LMAN2L: variants seen among roughly 807,000 people sequenced by gnomAD.
The protein encoded by LMAN2L is VIP36-like protein.
In LMAN2L, 30 loss-of-function variants were observed where a neutral mutation model predicts 44.3. The observed-to-expected ratio is 0.68, with a 90% CI of 0.51 to 0.92. The LOEUF (loss-of-function observed/expected upper bound fraction) is 0.92. Ranked by LOEUF, LMAN2L falls within the 40% of genes least tolerant of loss-of-function variation. LMAN2L has a pLI of 0.00. For missense variants in LMAN2L, 429 were observed against 446.1 expected (o/e 0.96, Z 0.35); for synonymous variants, 183 against 171.1 (o/e 1.07, Z -0.54).
intron 4 of LMAN2L, among the ~76,000 whole-genome samples, chr2:96,728,416 G>A (rs1375326432): frequency 6.7e-6 from 1 of 150,214 alleles, no homozygotes; most frequent in Non-Finnish European, 1.5e-5. Context: ...TGAGGCAGGA[G>A]AATGGCCTGA....
At chr2:96,728,804 G>A (rs567612472) in intron 4 of LMAN2L, among the ~76,000 whole-genome samples, 3 of 151,862 alleles carry the variant, frequency 2.0e-5, no homozygotes, top group East Asian at 1.9e-4. Flanking sequence ...CCCAGGAGGC[G>A]GAGGTTGCAG....
chr2:96,727,691 A>C (rs1473066290), intron 4 of LMAN2L, among the ~76,000 whole-genome samples: 1 of 152,196 alleles, frequency 6.6e-6, no homozygotes, highest in Non-Finnish European at 1.5e-5. Context: ...GAAACAAGAA[A>C]CCAGAAAAAT....
chr2:96,725,831 A>G (rs780422388), intron 4 of LMAN2L, among the ~76,000 whole-genome samples: 2 of 152,038 alleles, frequency 1.3e-5, no homozygotes, highest in Non-Finnish European at 2.9e-5. Flanking sequence ...TTCACTGAAA[A>G]TATATAGAAA....
chr2:96,738,064 A>C lies in LMAN2L; in HGVS notation c.191T>G (p.Val64Gly). The C allele has an allele frequency of 1.2e-6, 2 of 1,608,722 alleles. No homozygotes were observed. The highest frequency in any genetic ancestry group is 2.2e-5 in the East Asian group (1 of 44,838). ...EHSLSKPYQG[V>G]GTGSSSLWNL... ...CCACAGTGAGGAACTGCCTGTGCCC[A>C]CACCTACAGGAAGGAAGTAGATCAG... Residue 64 changes from valine (V) to glycine (G), a missense_variant, in exon 2 of 8, where the codon GTG becomes GGG. By Grantham distance (109) the Val-to-Gly change is moderately radical (BLOSUM62 -3). Transcript: ENST00000264963.
intron 4 of LMAN2L, among the ~76,000 whole-genome samples, chr2:96,730,358 G>T (rs918548402): frequency 9.2e-5 from 14 of 152,072 alleles, no homozygotes; most frequent in African/African-American, 3.4e-4. Flanking sequence ...TACCCCTTCA[G>T]AATCAAGTCC....
At chr2:96,707,945 G>GA (rs2077821980) in intron 6 of LMAN2L, 112 bp from the exon 7 acceptor site, 2 of 1,092,144 alleles carry the variant, frequency 1.8e-6, no homozygotes, top group South Asian at 1.5e-5. Context: ...CAGTGACCTT[G>GA]AAAAAATAAT....
chr2:96,707,392 G>GCTGT lies in LMAN2L; in HGVS notation c.907_910dup (p.Ala304AspfsTer70). 6.2e-7 allele frequency: 1 copy of GCTGT among 1,611,108 alleles called. No individual in the cohort carries two copies. ...CAGGCCACTCAGGGGCGGCAGTGGA[G>GCTGT]CTGTCACTGAGGAAGCAAGAGAGAA... On this transcript the variant is annotated frameshift_variant, in exon 8 of 8. Transcript: ENST00000264963. LOFTEE classifies it high-confidence loss of function.
At chr2:96,721,211 T>C (rs1414921102) in intron 4 of LMAN2L, among the ~76,000 whole-genome samples, 5 of 152,102 alleles carry the variant, frequency 3.3e-5, no homozygotes, top group Non-Finnish European at 7.4e-5. Context: ...GGACATTTCA[T>C]ATGCATGGGA....
chr2:96,720,331 TG>T (rs2078124422), intron 4 of LMAN2L, among the ~76,000 whole-genome samples: 1 of 152,240 alleles, frequency 6.6e-6, no homozygotes, highest in Non-Finnish European at 1.5e-5. Flanking sequence ...CATTACGCTC[TG>T]ATTTCAACGG....
In LMAN2L at chr2:96,711,687, G is replaced by A. The variant is rs1397165453; in HGVS notation, c.753C>T (p.Phe251=). ...PGVRLPRGYY[F]GTSSITGDLS... is the part of the protein sequence containing the mutation. Reference sequence around the variant, plus strand: ...GATCCCCAGTGATGGAGGAGGTGCCGAAGTAGTAGCCGCGGGGCAGGCGGA... The same window carrying A: ...GATCCCCAGTGATGGAGGAGGTGCCAAAGTAGTAGCCGCGGGGCAGGCGGA... Residue 251 remains phenylalanine (F), a synonymous_variant, in exon 6 of 8, where the codon TTC becomes TTT. Coordinates refer to ENST00000264963, the MANE Select transcript of LMAN2L (RefSeq NM_030805.4). 7 of 1,613,926 alleles carry A rather than the reference G, an allele frequency of 4.3e-6. No homozygotes were observed. In the South Asian group the frequency reaches 5.5e-5, roughly 13 times the overall value.
At chr2:96,709,966 C>T (rs761424286) in intron 6 of LMAN2L, among the ~76,000 whole-genome samples, 1 of 152,150 alleles carries the variant, frequency 6.6e-6, no homozygotes, top group Non-Finnish European at 1.5e-5. Context: ...AACCCAGAAA[C>T]CTGTAAGCTC....
At chr2:96,723,404 G>A (rs1036759982) in intron 4 of LMAN2L, among the ~76,000 whole-genome samples, 1 of 152,126 alleles carries the variant, frequency 6.6e-6, no homozygotes, top group Non-Finnish European at 1.5e-5. Flanking sequence ...CTATTGAGTT[G>A]TAATAGTTCT....
At chr2:96,707,960 A>C in intron 6 of LMAN2L, 127 bp from the exon 7 acceptor site, 1 of 905,328 alleles carries the variant, frequency 1.1e-6, no homozygotes, top group Non-Finnish European at 1.7e-6. Context: ...AATAATTGAA[A>C]CCTCTCCATT....
chr2:96,723,400 A>G (rs547963637), intron 4 of LMAN2L, among the ~76,000 whole-genome samples: 1 of 152,304 alleles, frequency 6.6e-6, no homozygotes, highest in African/African-American at 2.4e-5. Context: ...CTTACTATTG[A>G]GTTGTAATAG....
At chr2:96,717,104 AAC>A (rs551677093) in intron 4 of LMAN2L, among the ~76,000 whole-genome samples, 7 of 151,512 alleles carry the variant, frequency 4.6e-5, no homozygotes, top group Middle Eastern at 3.4e-3. Context: ...TTTTTTTTTA[AAC>A]ACACACACAC....
rs1427902140 is a variant in LMAN2L at position 96,707,932 on chromosome 2, C to T, written c.785-99G>A. ...TTCAAGCCTCTGATCCACAGCTAAC[C>T]AGCAGTGACCTTGAAAAAATAATTG... On this transcript the variant is annotated intron_variant, in intron 6 of 7. Transcript: ENST00000264963. 7 of 1,188,646 alleles carry T rather than the reference C, an allele frequency of 5.9e-6. 1 individual carries two copies. The South Asian group carries it at 9.9e-5, about 17-fold the overall frequency. The allele number at this position is 1,188,646 out of a possible 1,614,324, so 73.6% of individuals were successfully genotyped here.
chr2:96,711,015 C>T (rs2077903364), intron 6 of LMAN2L, among the ~76,000 whole-genome samples: 1 of 152,112 alleles, frequency 6.6e-6, no homozygotes, highest in African/African-American at 2.4e-5. Flanking sequence ...GAACCAGGTG[C>T]TGTTAATGTC....
At chr2:96,729,431 G>A (rs1213080334) in intron 4 of LMAN2L, among the ~76,000 whole-genome samples, 2 of 151,948 alleles carry the variant, frequency 1.3e-5, no homozygotes, top group Non-Finnish European at 2.9e-5. Context: ...GAGGTTTGAC[G>A]AGGATTAAGA....
intron 4 of LMAN2L, among the ~76,000 whole-genome samples, chr2:96,713,703 G>A (rs1574000731): frequency 6.6e-6 from 1 of 152,130 alleles, no homozygotes; most frequent in Admixed American, 6.6e-5. Flanking sequence ...CTAATCCAAA[G>A]GGATCACTTA....
Sources: allele counts gnomAD v4.1 joint callset (sites outside exome capture counted in the v4.1 genomes callset), GRCh38; gene constraint gnomAD v4.1.1; transcripts MANE v1.5; gene names NCBI Gene and HGNC (gene_info 2026-07-23, HGNC 2026-07-21).